ERC2: variants seen among roughly 807,000 people sequenced by gnomAD.
The protein encoded by ERC2 is ELKS/RAB6-interacting/CAST family member 2, also known as ERC protein 2.
Under a neutral mutation model 114.8 loss-of-function variants are expected in ERC2, and 42 were observed. The ratio of observed to expected loss-of-function variants is 0.37; its 90% CI spans 0.29 to 0.47. The LOEUF (loss-of-function observed/expected upper bound fraction) is 0.47, where lower values mean the gene tolerates loss of function less well. Among genes scored for constraint, ERC2 ranks in the 20% least tolerant of loss-of-function variants. The pLI is 0.99. For synonymous variants in ERC2, 454 were observed against 425.5 expected, an observed-to-expected ratio of 1.07 and a Z score of -0.82; for missense variants, 939 against 1,150.7, an observed-to-expected ratio of 0.82 and a Z score of 2.66.
intron 13 of ERC2, among the ~76,000 whole-genome samples, chr3:55,944,004 C>T (rs2066974698): frequency 6.6e-6 from 1 of 152,140 alleles, no homozygotes; most frequent in Non-Finnish European, 1.5e-5. Flanking sequence ...TTATTGATTT[C>T]TATTTCAGGG....
intron 7 of ERC2, among the ~76,000 whole-genome samples, chr3:56,025,571 C>T (rs74656610): frequency 4.9e-4 from 75 of 152,264 alleles, no homozygotes; most frequent in African/African-American, 1.7e-3. Flanking sequence ...AAACCAGCAA[C>T]CAAGCATTTC....
At chr3:56,252,626 G>A (rs746068030) in intron 3 of ERC2, among the ~76,000 whole-genome samples, 1 of 151,914 alleles carries the variant, frequency 6.6e-6, no homozygotes, top group African/African-American at 2.4e-5. Context: ...GTGTGGTGGT[G>A]CATGCCTGTA....
chr3:56,057,302 CA>C (rs2076058064), intron 7 of ERC2, among the ~76,000 whole-genome samples: 1 of 152,186 alleles, frequency 6.6e-6, no homozygotes, highest in Non-Finnish European at 1.5e-5. Flanking sequence ...TTTCATCTTA[CA>C]AAACTAAAAT....
intron 3 of ERC2, among the ~76,000 whole-genome samples, chr3:56,208,865 T>C (rs376693139): frequency 6.6e-6 from 1 of 151,864 alleles, no homozygotes; most frequent in Non-Finnish European, 1.5e-5. Flanking sequence ...CAGGGGAAAA[T>C]TCAGGCTGAG....
At chr3:55,729,382 C>G (rs1355448702) in intron 15 of ERC2, among the ~76,000 whole-genome samples, 1 of 152,172 alleles carries the variant, frequency 6.6e-6, no homozygotes, top group African/African-American at 2.4e-5. Flanking sequence ...TGTCTCCTTC[C>G]CAATGACACC....
At chr3:55,935,871 G>A (rs1414422837) in intron 13 of ERC2, among the ~76,000 whole-genome samples, 1 of 152,154 alleles carries the variant, frequency 6.6e-6, no homozygotes, top group Non-Finnish European at 1.5e-5. Flanking sequence ...AACAGCTAGG[G>A]TAGCTCAACA....
intron 2 of ERC2, among the ~76,000 whole-genome samples, chr3:56,368,600 C>T (rs2059243247): frequency 6.6e-6 from 1 of 152,182 alleles, no homozygotes; most frequent in African/African-American, 2.4e-5. Context: ...CTCAAGGACA[C>T]ATTGGCTATC....
At position 56,355,743 on chromosome 3, in the gene ERC2, T is replaced by C. The variant is rs575555017; in HGVS notation, c.658-59308A>G. The stretch of plus-strand genomic sequence containing the variant: ...GTATTTCCACACCTCTATGACTCAA[T>C]CTTAGGGTAAAGTCTGGTTCCTCTT... On this transcript the variant is annotated intron_variant, in intron 2 of 17. Transcript: ENST00000288221. Among the ~76,000 whole-genome samples the C allele has an allele frequency of 2.0e-5, 3 of 152,242 alleles. No homozygotes were observed. The South Asian group carries it at 6.2e-4, about 32-fold the overall frequency.
intron 2 of ERC2, among the ~76,000 whole-genome samples, chr3:56,424,644 C>T (rs2061500410): frequency 6.6e-6 from 1 of 152,202 alleles, no homozygotes; most frequent in Non-Finnish European, 1.5e-5. Flanking sequence ...GAAGTTTTCA[C>T]TCATCTCTGA....
chr3:56,379,036 G>A (rs2059652143), intron 2 of ERC2, among the ~76,000 whole-genome samples: 2 of 152,070 alleles, frequency 1.3e-5, no homozygotes, highest in South Asian at 2.1e-4. Context: ...CAGTGTTTTC[G>A]CAACATGTAA....
rs56378219 is a variant in ERC2, at chr3:55,947,786, T to C, written c.2403+2639A>G. On this transcript the variant is annotated intron_variant, in intron 13 of 17. Transcript: ENST00000288221. ...AAGCCACTGCGTTTTGGGTGATTTG[T>C]TGCACAGCACAGCATTATTATGGCA... Among the ~76,000 whole-genome samples the C allele has an allele frequency of 8.5e-3, 1,302 of 152,320 alleles. 6 individuals carry two copies. The highest frequency in any genetic ancestry group is 0.014 in the Non-Finnish European group (956 of 68,008).
chr3:55,591,563 A>T (rs1209307459), intron 17 of ERC2, among the ~76,000 whole-genome samples: 3 of 144,208 alleles, frequency 2.1e-5, no homozygotes, highest in Non-Finnish European at 4.6e-5. Context: ...GACCCCTCAG[A>T]AGTTTGTGTG....
chr3:55,829,355 A>T (rs2060472297), intron 14 of ERC2, among the ~76,000 whole-genome samples: 1 of 152,172 alleles, frequency 6.6e-6, no homozygotes, highest in Non-Finnish European at 1.5e-5. Flanking sequence ...AAAATATACA[A>T]ATTTTTAAAA....
intron 4 of ERC2, among the ~76,000 whole-genome samples, chr3:56,169,808 T>TA (rs762242569): frequency 0.032 from 4,201 of 129,578 alleles, 64 homozygotes; most frequent in Middle Eastern, 0.05. Flanking sequence ...TTCATTTTCT[T>TA]AAAAAAAAAA....
rs2052436319 is a variant in ERC2 at position 55,515,556 on chromosome 3, T to TC, written c.*40-4281_*40-4280insG. 2.7e-5 allele frequency among the ~76,000 whole-genome samples: 4 copies of TC among 147,800 alleles called. No homozygotes were observed. The South Asian group carries it at 8.4e-4, about 31-fold the overall frequency. ...CCGTTAAAATTTTCTCCTTCAGACT[T>TC]TTTTTTTTTTTGCTCTTTTTGGATT... On this transcript the variant is annotated intron_variant, in intron 17 of 17. Coordinates refer to ENST00000288221, the MANE Select transcript of ERC2 (RefSeq NM_015576.3).
At position 55,772,375 on chromosome 3, in the gene ERC2, C is replaced by T. The variant is rs188579911; in HGVS notation, c.2565-37457G>A. ...TGTAGCCCAGGCTGGAGTGCAGTGG[C>T]GCGATCTCGGCTCACTGCAAGCTCC... is the stretch of plus-strand genomic sequence containing the variant. On this transcript the variant is annotated intron_variant, in intron 14 of 17. Coordinates refer to ENST00000288221, the MANE Select transcript of ERC2 (RefSeq NM_015576.3). Among the ~76,000 whole-genome samples the T allele has an allele frequency of 3.5e-3, 523 of 149,540 alleles. 2 individuals are homozygous for T. The highest frequency in any genetic ancestry group is 0.012 in the African/African-American group (486 of 40,692).
intron 2 of ERC2, among the ~76,000 whole-genome samples, chr3:56,399,987 G>A (rs2060461505): frequency 6.6e-6 from 1 of 151,754 alleles, no homozygotes; most frequent in Non-Finnish European, 1.5e-5. Flanking sequence ...AACACAATGT[G>A]TGGTCCTTAT....
At chr3:56,285,280 C>A (rs760898670) in intron 3 of ERC2, among the ~76,000 whole-genome samples, 11 of 152,016 alleles carry the variant, frequency 7.2e-5, no homozygotes, top group Non-Finnish European at 1.3e-4. Context: ...ACGGATGGGT[C>A]ACTCTATACC....
intron 13 of ERC2, among the ~76,000 whole-genome samples, chr3:55,903,764 A>T (rs1246277231): frequency 1.3e-5 from 2 of 152,254 alleles, no homozygotes; most frequent in Non-Finnish European, 2.9e-5. Context: ...CTGTGTACGC[A>T]CAGCCAGGCC....
Sources: gnomAD v4.1 joint callset for allele counts (sites outside exome capture counted in the v4.1 genomes callset) on GRCh38, gnomAD v4.1.1 for gene constraint, MANE v1.5 for transcripts, NCBI Gene and HGNC (gene_info 2026-07-23, HGNC 2026-07-21) for gene names.